Variants in TDRD1 observed in about 807,000 individuals in gnomAD.
TDRD1 encodes the protein tudor domain containing 1.
Under a neutral mutation model 140.6 loss-of-function variants are expected in TDRD1, and 37 were observed. That is an observed-to-expected ratio of 0.26 (90% CI 0.20 to 0.35). The LOEUF is 0.35. Among genes scored for constraint, TDRD1 ranks in the 10% least tolerant of loss-of-function variants. The pLI is 1.00. For synonymous variants in TDRD1, 506 were observed against 475.7 expected (o/e 1.06, Z -0.83); for missense variants, 1,243 against 1,393.0 (o/e 0.89, Z 1.71).
chr10:114,232,413 C>G (rs1164316251), downstream of TDRD1: 1 of 151,606 alleles, frequency 6.6e-6, no homozygotes, highest in Non-Finnish European at 1.5e-5. Context: ...GACTTTCCTG[C>G]CAACCCCAAA....
At chr10:114,213,490 C>T in exon 15 of TDRD1, 1 of 1,613,938 alleles carries the variant, frequency 6.2e-7, no homozygotes, top group East Asian at 2.2e-5. Flanking sequence ...TCCGAGACGC[C>T]TCATGTCAGT....
chr10:114,213,555 A>G (rs1242559707), exon 15 of TDRD1: 22 of 1,613,820 alleles, frequency 1.4e-5, no homozygotes, highest in Non-Finnish European at 1.7e-5. Context: ...GAGTATGGTG[A>G]CAGATAAACC....
rs540008086 is a variant in TDRD1 at position 114,214,309 on chromosome 10, A to G, written c.2212+195A>G. ...TAAGCCATTATTTCTATTTTCAACA[A>G]TACCTCTTTATATTTAAACTAGTTT... On this transcript the variant is annotated intron_variant, in intron 16 of 25. Coordinates refer to ENST00000251864, the Ensembl canonical transcript of TDRD1. Among the ~76,000 whole-genome samples, 3 of 152,344 alleles carry G rather than the reference A, an allele frequency of 2.0e-5. No homozygotes were observed. The East Asian group carries it at 5.8e-4, about 29-fold the overall frequency.
intron 8 of TDRD1, 37 bp from the exon 9 acceptor site, chr10:114,204,036 T>C (rs2034939579): frequency 1.3e-6 from 2 of 1,576,244 alleles, no homozygotes; most frequent in African/African-American, 1.4e-5. Context: ...TGTGAAATGC[T>C]GTTATGAAGC....
Position 114,206,300 on chromosome 10 carries a change from C to T in TDRD1, c.1354C>T (p.Gln452Ter). 6.2e-7 allele frequency: 1 copy of T among 1,613,322 alleles called. No individual in the cohort carries two copies. Residue 452 changes from glutamine to a stop codon, truncating the protein, a stop_gained, in exon 11 of 26, where the codon CAA becomes TAA. Transcript: ENST00000251864. LOFTEE classifies it high-confidence loss of function. ...GGGATATGGCTTGAAACCCAGTGGA[C>T]AAGATTCTAAGAAGGAAAATGCAGA...
At chr10:114,211,773 C>G (rs950772240) in intron 13 of TDRD1, 93 bp from the exon 14 acceptor site, 7 of 1,270,224 alleles carry the variant, frequency 5.5e-6, no homozygotes, top group Non-Finnish European at 7.3e-6. Flanking sequence ...AAAGAAAAAT[C>G]TATAAATGAC....
chr10:114,221,251 T>C, intron 19 of TDRD1, 106 bp from the exon 20 acceptor site: 3 of 1,095,668 alleles, frequency 2.7e-6, no homozygotes, highest in South Asian at 1.4e-5. Context: ...TTTGGAAATG[T>C]TGATAATCAT....
At chr10:114,202,243 A>G (rs1284678761) in exon 6 of TDRD1, 5 of 1,603,062 alleles carry the variant, frequency 3.1e-6, no homozygotes, top group Non-Finnish European at 4.3e-6. Context: ...TGCAGTTTCC[A>G]CAAACTTGAA....
At chr10:114,188,890 A>C (rs1285066024) in intron 2 of TDRD1, among the ~76,000 whole-genome samples, 2 of 151,952 alleles carry the variant, frequency 1.3e-5, no homozygotes, top group Admixed American at 6.6e-5. Context: ...AAAAAAAAAA[A>C]AAAAACCTTT....
At chr10:114,204,090 C>A in exon 9 of TDRD1, 1 of 1,605,524 alleles carries the variant, frequency 6.2e-7, no homozygotes, top group South Asian at 1.1e-5. Flanking sequence ...ACAGAGCAAT[C>A]ATACAAAACG....
intron 1 of TDRD1, among the ~76,000 whole-genome samples, chr10:114,186,893 A>AT (rs1564932029): frequency 1.3e-5 from 2 of 151,904 alleles, no homozygotes; most frequent in Non-Finnish European, 2.9e-5. Context: ...ACTGCTATTT[A>AT]TTTTTTTTCT....
chr10:114,229,899 C>T (rs2036660057), intron 25 of TDRD1, among the ~76,000 whole-genome samples: 1 of 151,394 alleles, frequency 6.6e-6, no homozygotes, highest in Non-Finnish European at 1.5e-5. Context: ...GGCGCTATCT[C>T]AGCTCACTAC....
chr10:114,201,432 C>T (rs369836148), exon 5 of TDRD1: 9 of 1,613,974 alleles, frequency 5.6e-6, no homozygotes, highest in Non-Finnish European at 7.6e-6. Context: ...GCTCTCAGTG[C>T]AAGCAGACCT....
intron 1 of TDRD1, among the ~76,000 whole-genome samples, chr10:114,183,167 TG>T (rs2033229622): frequency 6.6e-6 from 1 of 152,218 alleles, no homozygotes; most frequent in South Asian, 2.1e-4. Context: ...ATTGAGGCGC[TG>T]ACTGTAGATT....
intron 18 of TDRD1, among the ~76,000 whole-genome samples, chr10:114,219,781 G>A (rs529018803): frequency 1.5e-4 from 23 of 151,938 alleles, no homozygotes; most frequent in South Asian, 1.2e-3. Flanking sequence ...TAGTAGAGAC[G>A]GGGTTTCTCC....
intron 11 of TDRD1, among the ~76,000 whole-genome samples, chr10:114,208,948 A>AT (rs1332832340): frequency 2.0e-5 from 3 of 151,674 alleles, no homozygotes; most frequent in Non-Finnish European, 1.5e-5. Context: ...TGCCCAGCTG[A>AT]TTTTTTTGTA....
At chr10:114,177,116 G>A (rs1331329060), upstream of TDRD1, among the ~76,000 whole-genome samples, 2 of 152,090 alleles carry the variant, frequency 1.3e-5, no homozygotes, top group African/African-American at 2.4e-5. Flanking sequence ...ATAAATATCC[G>A]AGTCCGTTAT....
At chr10:114,210,508 T>A in intron 11 of TDRD1, 73 bp from the exon 12 acceptor site, 1 of 1,418,754 alleles carries the variant, frequency 7.0e-7, no homozygotes, top group Non-Finnish European at 9.4e-7. Flanking sequence ...TTAAAATGAT[T>A]AAAGCGTGCA....
intron 2 of TDRD1, 23 bp from the exon 3 acceptor site, chr10:114,190,938 G>T: frequency 6.2e-7 from 1 of 1,611,668 alleles, no homozygotes; most frequent in South Asian, 1.1e-5. Context: ...GCTTTTATTT[G>T]AAATTGTGTT....
Sources: allele counts gnomAD v4.1 joint callset (sites outside exome capture counted in the v4.1 genomes callset), GRCh38; gene constraint gnomAD v4.1.1; transcripts MANE v1.5; gene names NCBI Gene and HGNC (gene_info 2026-07-23, HGNC 2026-07-21).